HLCS: variants seen among roughly 807,000 people sequenced by gnomAD.
The protein encoded by HLCS is holocarboxylase synthetase.
Under a neutral mutation model 75.0 loss-of-function variants are expected in HLCS, and 53 were observed. The ratio of observed to expected loss-of-function variants is 0.71; its 90% CI spans 0.57 to 0.89. The LOEUF (loss-of-function observed/expected upper bound fraction) is 0.89. HLCS is among the 40% of genes least tolerant of loss of function. HLCS has a pLI of 0.00. For missense variants in HLCS, 966 were observed against 1,074.0 expected (o/e 0.90, Z 1.41); for synonymous variants, 431 against 428.6 (o/e 1.01, Z -0.07).
intron 6 of HLCS, among the ~76,000 whole-genome samples, chr21:36,891,578 C>T (rs1163496474): frequency 1.3e-5 from 2 of 152,120 alleles, no homozygotes; most frequent in African/African-American, 2.4e-5. Context: ...CGCAGCAAAA[C>T]CTTTGATCGA....
At position 36,835,033 on chromosome 21, in the gene HLCS, C is replaced by T. The variant is rs1162366008; in HGVS notation, c.1892+61827G>A. On this transcript the variant is annotated intron_variant, in intron 6 of 10. Transcript: ENST00000674895. ...TCGAGAACAGAAGATTCTCGAGATT[C>T]CCAGGTGAGGGTCTTCAGCCTCATC... 3.3e-5 allele frequency among the ~76,000 whole-genome samples: 5 copies of T among 152,154 alleles called. No individual in the cohort carries two copies. The East Asian group carries it at 9.6e-4, about 29-fold the overall frequency.
intron 6 of HLCS, among the ~76,000 whole-genome samples, chr21:36,787,949 C>T (rs755754355): frequency 4.6e-5 from 7 of 152,162 alleles, no homozygotes; most frequent in Non-Finnish European, 1.0e-4. Flanking sequence ...TCTGGGGAGA[C>T]GCTGCAGCTT....
At chr21:36,897,889 C>T (rs1008112932) in intron 5 of HLCS, among the ~76,000 whole-genome samples, 5 of 152,142 alleles carry the variant, frequency 3.3e-5, no homozygotes, top group Admixed American at 3.3e-4. Context: ...GGTGGTTTAT[C>T]AGGAACTGAG....
chr21:36,930,187 C>T (rs530012583), intron 5 of HLCS, 64 bp downstream of exon 5: 21 of 1,375,624 alleles, frequency 1.5e-5, no homozygotes, highest in African/African-American at 1.0e-4. Flanking sequence ...ATTAAAGCAA[C>T]GGGTCGCCAC....
intron 6 of HLCS, among the ~76,000 whole-genome samples, chr21:36,787,120 G>A (rs903452181): frequency 2.0e-5 from 3 of 152,208 alleles, no homozygotes; most frequent in East Asian, 1.9e-4. Context: ...TGAACACGTC[G>A]CAAGAGCATG....
intron 6 of HLCS, among the ~76,000 whole-genome samples, chr21:36,797,688 TCAG>T (rs2061068275): frequency 6.6e-6 from 1 of 152,216 alleles, no homozygotes; most frequent in Non-Finnish European, 1.5e-5. Flanking sequence ...CAGAGCCTGC[TCAG>T]CAGAAGAAAA....
chr21:36,954,797 T>C (rs2067851300), intron 2 of HLCS, among the ~76,000 whole-genome samples: 1 of 151,738 alleles, frequency 6.6e-6, no homozygotes, highest in Non-Finnish European at 1.5e-5. Flanking sequence ...GTGTGGTGCC[T>C]CATGCCTGTA....
chr21:36,749,730 G>T lies in HLCS; in HGVS notation c.*4516C>A, dbSNP rs1303885678. ...GTCTTGTAATTAAACCGTGATTCTT[G>T]AAAGGTGTAGGTTTGATTACTAGGA... On this transcript the variant is annotated 3_prime_UTR_variant, in exon 11 of 11. Transcript: ENST00000674895. 1.3e-5 allele frequency: 2 copies of T among 152,122 alleles called. No homozygotes were observed. The highest frequency in any genetic ancestry group is 2.9e-5 in the Non-Finnish European group (2 of 68,020). 9.4% of individuals were successfully genotyped at this position (152,122 alleles called of 1,614,324 possible).
intron 5 of HLCS, among the ~76,000 whole-genome samples, chr21:36,917,613 T>C (rs1436713422): frequency 6.6e-6 from 1 of 152,202 alleles, no homozygotes; most frequent in African/African-American, 2.4e-5. Flanking sequence ...GCCGTAAGCA[T>C]GCTTGGTGAC....
chr21:36,979,649 T>A (rs556301670), intron 1 of HLCS, among the ~76,000 whole-genome samples: 161 of 152,286 alleles, frequency 1.1e-3, no homozygotes, highest in African/African-American at 3.7e-3. Flanking sequence ...GCACAGTGGC[T>A]CACACCTATA....
chr21:36,860,748 T>C (rs539853491), intron 6 of HLCS, among the ~76,000 whole-genome samples: 6 of 152,378 alleles, frequency 3.9e-5, no homozygotes, highest in Admixed American at 3.9e-4. Flanking sequence ...TCTGGTATGA[T>C]AGATGCTGTG....
chr21:36,786,670 A>C (rs944700032), intron 6 of HLCS, among the ~76,000 whole-genome samples: 4 of 152,228 alleles, frequency 2.6e-5, no homozygotes, highest in African/African-American at 9.6e-5. Flanking sequence ...TTTCCTAAAA[A>C]ATCTGGAGAG....
chr21:36,893,088 G>C (rs1313864962), intron 6 of HLCS, among the ~76,000 whole-genome samples: 3 of 151,430 alleles, frequency 2.0e-5, no homozygotes, highest in Non-Finnish European at 1.5e-5. Flanking sequence ...ACTTTTTTTT[G>C]AGATGGGAGT....
chr21:36,982,539 G>A (rs2069142681), intron 1 of HLCS, among the ~76,000 whole-genome samples: 1 of 152,114 alleles, frequency 6.6e-6, no homozygotes, highest in Non-Finnish European at 1.5e-5. Context: ...GATTTATACT[G>A]ATTTTCACAA....
chr21:36,958,989 C>T (rs531274434), intron 2 of HLCS, among the ~76,000 whole-genome samples: 50 of 152,272 alleles, frequency 3.3e-4, no homozygotes, highest in African/African-American at 7.0e-4. Context: ...GCCAGGGATA[C>T]GCGCTCTGTG....
In HLCS at chr21:36,882,972, C is replaced by T. The variant is rs116834759; in HGVS notation, c.1892+13888G>A. ...CTTCTCCGCCAGGCAATGACTTCAT[C>T]GTTTCCTTCTCACTAATTTGAATAC... is the stretch of plus-strand genomic sequence containing the variant. On this transcript the variant is annotated intron_variant, in intron 6 of 10. Coordinates refer to ENST00000674895, the MANE Select transcript of HLCS (RefSeq NM_001352514.2). 6.9e-3 allele frequency among the ~76,000 whole-genome samples: 1,048 copies of T among 152,236 alleles called. 14 individuals are homozygous for T. Among genetic ancestry groups the T allele is most frequent in the African/African-American group, 0.023 (966 of 41,536 alleles).
intron 1 of HLCS, among the ~76,000 whole-genome samples, chr21:36,963,929 A>G (rs1569258125): frequency 6.6e-6 from 1 of 152,220 alleles, no homozygotes. Context: ...AGTGTATAAC[A>G]TATGAGAACA....
chr21:36,896,464 T>C, intron 6 of HLCS: 1 of 276,094 alleles, frequency 3.6e-6, no homozygotes, highest in Non-Finnish European at 6.9e-6. Flanking sequence ...TCAAACTTCC[T>C]ATTCAAATGC....
intron 6 of HLCS, among the ~76,000 whole-genome samples, chr21:36,839,727 T>G (rs1341529204): frequency 6.6e-6 from 1 of 151,710 alleles, no homozygotes; most frequent in Non-Finnish European, 1.5e-5. Flanking sequence ...ACACACATGT[T>G]TCTGAAAATT....
Sources: gnomAD v4.1 joint callset for allele counts (sites outside exome capture counted in the v4.1 genomes callset) on GRCh38, gnomAD v4.1.1 for gene constraint, MANE v1.5 for transcripts, NCBI Gene and HGNC (gene_info 2026-07-23, HGNC 2026-07-21) for gene names.